CLASP1: variants seen among roughly 807,000 people sequenced by gnomAD.
The protein encoded by CLASP1 is CLIP-associating protein 1.
A neutral mutation model predicts 192.3 loss-of-function variants in CLASP1; 38 were observed. That is an observed-to-expected ratio of 0.20 (90% CI 0.15 to 0.26). The LOEUF (loss-of-function observed/expected upper bound fraction) is 0.26, where lower values mean the gene tolerates loss of function less well. CLASP1 is among the 10% of genes least tolerant of loss of function. The pLI is 1.00. For missense variants in CLASP1, 1,433 were observed against 1,932.5 expected (o/e 0.74, Z 4.85); for synonymous variants, 691 against 712.8 (o/e 0.97, Z 0.49).
At position 121,542,639 on chromosome 2, in the gene CLASP1, G is replaced by A. The variant is rs533150550; in HGVS notation, c.196-12314C>T. ...CTCAACCCAATAACAATGCCACTGCGCAGTCTATTTTTAAAATTCCTCTTC... is the reference window on the plus strand; with the variant it reads ...CTCAACCCAATAACAATGCCACTGCACAGTCTATTTTTAAAATTCCTCTTC... On this transcript the variant is annotated intron_variant, in intron 2 of 39. Transcript: ENST00000263710. Among the ~76,000 whole-genome samples the A allele has an allele frequency of 1.1e-4, 16 of 152,280 alleles. No homozygotes were observed. The South Asian group carries it at 1.7e-3, about 16-fold the overall frequency.
chr2:121,490,305 G>A (rs1478817035), intron 8 of CLASP1: 2 of 454,076 alleles, frequency 4.4e-6, no homozygotes, highest in Non-Finnish European at 8.8e-6. Flanking sequence ...CAGTAATCCT[G>A]GTACCAAATA....
chr2:121,479,034 C>G (rs1575291041), intron 8 of CLASP1, among the ~76,000 whole-genome samples: 4 of 87,982 alleles, frequency 4.5e-5, no homozygotes, highest in Non-Finnish European at 9.2e-5. Context: ...ACACACACCC[C>G]ACACACACAC....
At chr2:121,482,436 T>G (rs1211279986) in intron 8 of CLASP1, among the ~76,000 whole-genome samples, 2 of 152,182 alleles carry the variant, frequency 1.3e-5, no homozygotes, top group African/African-American at 4.8e-5. Flanking sequence ...GTTAATACTA[T>G]GCCTTCCTCA....
chr2:121,513,336 G>C (rs2094194486), intron 7 of CLASP1, among the ~76,000 whole-genome samples: 1 of 152,142 alleles, frequency 6.6e-6, no homozygotes, highest in African/African-American at 2.4e-5. Flanking sequence ...TCTCCGTTTT[G>C]GAGAATTTGT....
intron 2 of CLASP1, among the ~76,000 whole-genome samples, chr2:121,546,430 C>A (rs780901501): frequency 6.6e-6 from 1 of 151,556 alleles, no homozygotes; most frequent in Non-Finnish European, 1.5e-5. Context: ...TCCAGGTACA[C>A]GCATTGGGAC....
At chr2:121,455,994 T>C (rs967113050) in intron 14 of CLASP1, among the ~76,000 whole-genome samples, 1 of 152,154 alleles carries the variant, frequency 6.6e-6, no homozygotes, top group Admixed American at 6.5e-5. Context: ...AGAGATCGAT[T>C]GCACATCATA....
intron 36 of CLASP1, chr2:121,364,051 CTTTG>C (rs1028933316): frequency 6.6e-6 from 1 of 152,174 alleles, no homozygotes; most frequent in Non-Finnish European, 1.5e-5. Flanking sequence ...CGAGCCAATA[CTTTG>C]TTTTTTTTAA....
intron 2 of CLASP1, among the ~76,000 whole-genome samples, chr2:121,583,842 C>T (rs1157401519): frequency 6.6e-6 from 1 of 152,080 alleles, no homozygotes. Context: ...GGGCAGAGCT[C>T]TCATGAATGA....
intron 8 of CLASP1, among the ~76,000 whole-genome samples, chr2:121,489,328 G>A (rs2093168258): frequency 6.6e-6 from 1 of 152,098 alleles, no homozygotes. Context: ...AGTACTTTCA[G>A]CCCAACTTAA....
In CLASP1 at chr2:121,555,988, CTTTTTTTTTTTTTTTTTTT is replaced by C. The variant is rs34423741; in HGVS notation, c.196-25682_196-25664del. On this transcript the variant is annotated intron_variant, in intron 2 of 39. Transcript: ENST00000263710. ...CACGGCGCCTGCCCCCTACCCACCG[CTTTTTTTTTTTTTTTTTTT>C]TTTTTTTTTTTTTTGAGACAGGCTG... Among the ~76,000 whole-genome samples the C allele has an allele frequency of 2.1e-4, 9 of 42,372 alleles. 1 individual carries two copies. The highest frequency in any genetic ancestry group is 1.1e-3 in the Admixed American group (3 of 2,810). 27.8% of individuals were successfully genotyped at this position (42,372 alleles called of 152,430 possible). A position where few individuals can be genotyped will look rare whatever the true frequency, so the allele number is the denominator to read the frequency against.
intron 23 of CLASP1, among the ~76,000 whole-genome samples, chr2:121,415,532 A>C (rs1302740103): frequency 1.3e-5 from 2 of 152,222 alleles, no homozygotes; most frequent in African/African-American, 4.8e-5. Flanking sequence ...CCTCATGTGG[A>C]TAGAAAACAA....
intron 28 of CLASP1, among the ~76,000 whole-genome samples, chr2:121,400,187 T>C (rs1398111705): frequency 1.3e-5 from 2 of 152,258 alleles, no homozygotes; most frequent in African/African-American, 4.8e-5. Flanking sequence ...GCAAATTTAG[T>C]ACATTACTTT....
intron 30 of CLASP1, among the ~76,000 whole-genome samples, chr2:121,391,509 T>C (rs760740871): frequency 1.6e-4 from 24 of 152,352 alleles, no homozygotes; most frequent in Non-Finnish European, 2.5e-4. Context: ...ACATTAGCTG[T>C]CAGTTTTAAC....
chr2:121,455,092 C>T (rs2086337789), intron 14 of CLASP1, among the ~76,000 whole-genome samples: 1 of 152,210 alleles, frequency 6.6e-6, no homozygotes, highest in Non-Finnish European at 1.5e-5. Flanking sequence ...AGCTGTTCCA[C>T]TCTAACCCCA....
intron 2 of CLASP1, chr2:121,530,913 A>T (rs528106770): frequency 4.3e-6 from 3 of 699,340 alleles, no homozygotes; most frequent in East Asian, 5.4e-5. Context: ...GCTACTGTCC[A>T]ATGAGCGCAT....
chr2:121,531,545 G>C (rs1470666538), intron 2 of CLASP1, among the ~76,000 whole-genome samples: 1 of 148,150 alleles, frequency 6.7e-6, no homozygotes, highest in East Asian at 2.0e-4. Flanking sequence ...GCAGTGAGCA[G>C]AGATCGCGCC....
chr2:121,549,704 T>C (rs1339804321), intron 2 of CLASP1, among the ~76,000 whole-genome samples: 2 of 80,404 alleles, frequency 2.5e-5, no homozygotes, highest in African/African-American at 2.6e-4. Flanking sequence ...AACAATCCTC[T>C]GCAAAAAAAA....
intron 8 of CLASP1, among the ~76,000 whole-genome samples, chr2:121,495,514 C>T (rs572118550): frequency 4.7e-5 from 7 of 149,316 alleles, no homozygotes; most frequent in African/African-American, 9.9e-5. Context: ...TACAAAAATT[C>T]GCTGGGCATG....
At chr2:121,431,017 A>C (rs542213703) in intron 19 of CLASP1, among the ~76,000 whole-genome samples, 61 of 151,988 alleles carry the variant, frequency 4.0e-4, no homozygotes, top group African/African-American at 1.4e-3. Context: ...TCGAGGGAGC[A>C]CAAAATGCCT....
Sources: allele counts gnomAD v4.1 joint callset (sites outside exome capture counted in the v4.1 genomes callset), GRCh38; gene constraint gnomAD v4.1.1; transcripts MANE v1.5; gene names NCBI Gene and HGNC (gene_info 2026-07-23, HGNC 2026-07-21).